Variants in EYA4 observed in about 807,000 individuals in gnomAD.
EYA4 encodes EYA transcriptional coactivator and phosphatase 4, also known as protein phosphatase EYA4.
A neutral mutation model predicts 87.9 loss-of-function variants in EYA4; 31 were observed. That is an observed-to-expected ratio of 0.35 (90% CI 0.27 to 0.48). The LOEUF (loss-of-function observed/expected upper bound fraction) is 0.48. EYA4 is among the 20% of genes least tolerant of loss of function. The pLI is 0.99. For missense variants in EYA4, 678 were observed against 761.4 expected, an observed-to-expected ratio of 0.89 and a Z score of 1.29; for synonymous variants, 263 against 270.6, an observed-to-expected ratio of 0.97 and a Z score of 0.28.
chr6:133,299,508 G>A (rs998388424), intron 2 of EYA4, among the ~76,000 whole-genome samples: 1 of 151,720 alleles, frequency 6.6e-6, no homozygotes, highest in Middle Eastern at 3.4e-3. Context: ...TCAGGAGATC[G>A]AGACCATCCT....
chr6:133,342,707 G>A (rs1237342454), intron 2 of EYA4, among the ~76,000 whole-genome samples: 2 of 150,720 alleles, frequency 1.3e-5, no homozygotes, highest in African/African-American at 4.9e-5. Context: ...GGCCTGGCTA[G>A]GATTAACAGG....
At chr6:133,489,004 A>G (rs1796914354) in intron 13 of EYA4, among the ~76,000 whole-genome samples, 1 of 152,222 alleles carries the variant, frequency 6.6e-6, no homozygotes, top group South Asian at 2.1e-4. Flanking sequence ...TCGCAACAAA[A>G]TTCAAGATAA....
intron 3 of EYA4, among the ~76,000 whole-genome samples, chr6:133,429,507 A>T (rs1265914427): frequency 6.6e-6 from 1 of 152,160 alleles, no homozygotes; most frequent in Non-Finnish European, 1.5e-5. Flanking sequence ...ATGGATTCTA[A>T]TTAAAGTGGA....
chr6:133,324,329 C>G (rs1781326044), intron 2 of EYA4, among the ~76,000 whole-genome samples: 1 of 152,164 alleles, frequency 6.6e-6, no homozygotes, highest in South Asian at 2.1e-4. Flanking sequence ...TCCATTTAAG[C>G]TCCTGTAATT....
chr6:133,323,299 AATTAAGAC>A (rs1270086425), intron 2 of EYA4, among the ~76,000 whole-genome samples: 1 of 152,110 alleles, frequency 6.6e-6, no homozygotes. Flanking sequence ...AAGAGCAAGT[AATTAAGAC>A]ATTAAGAATT....
intron 2 of EYA4, among the ~76,000 whole-genome samples, chr6:133,371,157 G>T (rs577887309): frequency 2.0e-5 from 3 of 152,296 alleles, no homozygotes; most frequent in Admixed American, 2.0e-4. Flanking sequence ...GCTTTGCTGT[G>T]TTGGGACTAT....
chr6:133,422,103 CAT>C (rs1371168604), intron 3 of EYA4, among the ~76,000 whole-genome samples: 2 of 152,176 alleles, frequency 1.3e-5, no homozygotes, highest in Non-Finnish European at 2.9e-5. Flanking sequence ...GACAAATACA[CAT>C]GTGTACCCAC....
intron 2 of EYA4, among the ~76,000 whole-genome samples, chr6:133,341,193 C>A (rs966449885): frequency 6.6e-6 from 1 of 152,082 alleles, no homozygotes; most frequent in African/African-American, 2.4e-5. Flanking sequence ...CAAACAGTTG[C>A]CTAGGCTACC....
intron 1 of EYA4, chr6:133,246,775 C>T (rs531279014): frequency 1.3e-5 from 2 of 152,266 alleles, no homozygotes; most frequent in Non-Finnish European, 2.9e-5. Flanking sequence ...TCGTGCAAAA[C>T]ACTGTTTTAA....
chr6:133,478,305 T>G (rs1326422457), intron 11 of EYA4, among the ~76,000 whole-genome samples: 1 of 152,110 alleles, frequency 6.6e-6, no homozygotes, highest in Non-Finnish European at 1.5e-5. Flanking sequence ...TTGCCAGGTA[T>G]GCATACCCAA....
intron 3 of EYA4, among the ~76,000 whole-genome samples, chr6:133,418,640 T>A (rs1317394767): frequency 3.3e-5 from 5 of 152,202 alleles, no homozygotes; most frequent in Admixed American, 2.6e-4. Context: ...ACAGATAAGT[T>A]GTATGAAATC....
At chr6:133,476,295 A>T (rs1795724334) in intron 11 of EYA4, among the ~76,000 whole-genome samples, 1 of 152,090 alleles carries the variant, frequency 6.6e-6, no homozygotes. Context: ...ATTTTTAGAA[A>T]TACAATACAT....
At chr6:133,450,001 T>G (rs1793264447) in intron 5 of EYA4, among the ~76,000 whole-genome samples, 1 of 152,172 alleles carries the variant, frequency 6.6e-6, no homozygotes, top group African/African-American at 2.4e-5. Flanking sequence ...CTTTTTTTTT[T>G]TTGAAACGGA....
rs1379475250 is a variant in EYA4, at chr6:133,358,449, T to A, written c.34-23943T>A. 3.3e-5 allele frequency among the ~76,000 whole-genome samples: 5 copies of A among 152,216 alleles called. No homozygotes were observed. The East Asian group carries it at 9.6e-4, about 29-fold the overall frequency. ...TCCCTTTTTGTTGGAAATGCATCTA[T>A]AAAGTCATACTTCTAGATAGAATTC... On this transcript the variant is annotated intron_variant, in intron 2 of 19. Transcript: ENST00000355286.
intron 14 of EYA4, 111 bp from the exon 15 acceptor site, chr6:133,512,610 A>C (rs1410452955): frequency 2.4e-6 from 2 of 849,320 alleles, no homozygotes; most frequent in Admixed American, 1.7e-5. Flanking sequence ...GGACGGGCAC[A>C]TGCTGCCATC....
chr6:133,328,398 G>T (rs1344555620), intron 2 of EYA4, among the ~76,000 whole-genome samples: 1 of 152,090 alleles, frequency 6.6e-6, no homozygotes, highest in East Asian at 1.9e-4. Context: ...TCTCTTTATT[G>T]TGGGGGTTGA....
intron 2 of EYA4, among the ~76,000 whole-genome samples, chr6:133,299,085 G>C (rs1779165835): frequency 6.6e-6 from 1 of 152,154 alleles, no homozygotes; most frequent in South Asian, 2.1e-4. Context: ...CAAGCGACTT[G>C]GGGGAAGGAG....
intron 13 of EYA4, chr6:133,502,739 C>T (rs2128751926): frequency 6.6e-6 from 1 of 151,840 alleles, no homozygotes; most frequent in Non-Finnish European, 1.5e-5. Context: ...CAGACATTCT[C>T]TTAGAAACAA....
intron 2 of EYA4, among the ~76,000 whole-genome samples, chr6:133,294,857 AG>A (rs1204317441): frequency 3.9e-5 from 6 of 152,210 alleles, no homozygotes; most frequent in Admixed American, 2.0e-4. Context: ...CTGGGATTAC[AG>A]GTGCAAGCCA....
Sources: gnomAD v4.1 joint callset for allele counts (sites outside exome capture counted in the v4.1 genomes callset) on GRCh38, gnomAD v4.1.1 for gene constraint, MANE v1.5 for transcripts, NCBI Gene and HGNC (gene_info 2026-07-23, HGNC 2026-07-21) for gene names.